The following HYAL4 variants were observed in gnomAD, a reference collection of about 807,000 sequenced individuals.
The protein encoded by HYAL4 is hyaluronidase 4, also known as hyaluronidase-4.
In HYAL4, 37 loss-of-function variants were observed where a neutral mutation model predicts 35.2. The observed-to-expected ratio is 1.05, with a 90% CI of 0.81 to 1.38. The LOEUF is 1.38. Ranked by LOEUF, HYAL4 falls within the 40% of genes most tolerant of loss-of-function variation. HYAL4 has a pLI of 0.00. For missense variants in HYAL4, 572 were observed against 572.4 expected (o/e 1.00, Z 0.01); for synonymous variants, 198 against 203.2 (o/e 0.97, Z 0.22).
At chr7:123,872,508 G>A (rs1005753410) in intron 3 of HYAL4, among the ~76,000 whole-genome samples, 7 of 152,226 alleles carry the variant, frequency 4.6e-5, no homozygotes, top group African/African-American at 1.7e-4. Flanking sequence ...GAAGTGTTGA[G>A]TGAATCCCCT....
intron 2 of HYAL4, among the ~76,000 whole-genome samples, chr7:123,855,519 A>C (rs977620925): frequency 6.6e-6 from 1 of 152,118 alleles, no homozygotes; most frequent in Non-Finnish European, 1.5e-5. Context: ...GAATGTTGAT[A>C]TTGGCCCCCA....
chr7:123,792,832 G>C, the HYAL4 span, among the ~76,000 whole-genome samples: 2 of 152,146 alleles, frequency 1.3e-5, no homozygotes, highest in African/African-American at 4.8e-5. Flanking sequence ...TTGATGCTCA[G>C]GGGGAAGGGA....
the HYAL4 span, among the ~76,000 whole-genome samples, chr7:123,818,629 T>A: frequency 2.0e-5 from 3 of 152,224 alleles, no homozygotes; most frequent in East Asian, 5.8e-4. Flanking sequence ...GAAATCTATT[T>A]CATTTTTATA....
the HYAL4 span, among the ~76,000 whole-genome samples, chr7:123,800,792 G>A: frequency 1.3e-5 from 2 of 151,958 alleles, no homozygotes. Flanking sequence ...GAGTAGCTGG[G>A]ATTACAGGCA....
At chr7:123,791,456 A>G in the HYAL4 span, among the ~76,000 whole-genome samples, 3 of 152,216 alleles carry the variant, frequency 2.0e-5, no homozygotes, top group African/African-American at 4.8e-5. Context: ...AAATAAAGCC[A>G]TCTCCAAATC....
At chr7:123,866,860 G>C (rs767659969) in intron 2 of HYAL4, among the ~76,000 whole-genome samples, 8 of 143,058 alleles carry the variant, frequency 5.6e-5, no homozygotes, top group Non-Finnish European at 7.5e-5. Context: ...GTGTGATCTT[G>C]GTTCACTGCA....
At chr7:123,869,840 C>T (rs145171359) in intron 3 of HYAL4, among the ~76,000 whole-genome samples, 7 of 146,114 alleles carry the variant, frequency 4.8e-5, no homozygotes, top group African/African-American at 1.5e-4. Context: ...GGTGCTCACC[C>T]CCCCCCACCC....
At chr7:123,874,173 A>T (rs1806950649) in intron 3 of HYAL4, among the ~76,000 whole-genome samples, 2 of 152,222 alleles carry the variant, frequency 1.3e-5, no homozygotes. Context: ...ATTTCTGATA[A>T]CTATTTACAG....
the HYAL4 span, among the ~76,000 whole-genome samples, chr7:123,779,514 A>G: frequency 6.6e-6 from 1 of 152,188 alleles, no homozygotes; most frequent in Non-Finnish European, 1.5e-5. Context: ...TTTGTTTTAA[A>G]ATAATATAAT....
chr7:123,773,713 G>A, the HYAL4 span, among the ~76,000 whole-genome samples: 1 of 152,156 alleles, frequency 6.6e-6, no homozygotes, highest in Non-Finnish European at 1.5e-5. Context: ...TTTACTGTTT[G>A]CTTAATTAAA....
chr7:123,774,729 T>C, the HYAL4 span, among the ~76,000 whole-genome samples: 1 of 152,222 alleles, frequency 6.6e-6, no homozygotes, highest in African/African-American at 2.4e-5. Flanking sequence ...AGATCTCACC[T>C]GCCTATTCAG....
the HYAL4 span, among the ~76,000 whole-genome samples, chr7:123,801,802 A>G: frequency 4.6e-5 from 7 of 152,124 alleles, 1 homozygote; most frequent in Non-Finnish European, 1.0e-4. Flanking sequence ...TTTATTGTCT[A>G]AATTGGGACA....
At chr7:123,869,467 A>G (rs903010945) in intron 3 of HYAL4, among the ~76,000 whole-genome samples, 1 of 152,206 alleles carries the variant, frequency 6.6e-6, no homozygotes, top group Non-Finnish European at 1.5e-5. Context: ...TAAAGTAGAT[A>G]CCAGCAACGA....
the HYAL4 span, among the ~76,000 whole-genome samples, chr7:123,812,579 A>C: frequency 6.6e-6 from 1 of 152,216 alleles, no homozygotes; most frequent in Non-Finnish European, 1.5e-5. Context: ...AATTTGTAAC[A>C]GTATTTTACT....
chr7:123,809,736 C>A, the HYAL4 span, among the ~76,000 whole-genome samples: 4 of 152,234 alleles, frequency 2.6e-5, no homozygotes, highest in South Asian at 8.3e-4. Flanking sequence ...ACATTCATAT[C>A]ATTGTAGCCA....
the HYAL4 span, among the ~76,000 whole-genome samples, chr7:123,765,948 T>C: frequency 6.6e-6 from 1 of 152,330 alleles, no homozygotes; most frequent in East Asian, 1.9e-4. Context: ...ATTATTGTTT[T>C]ACTCTTCCTT....
the HYAL4 span, among the ~76,000 whole-genome samples, chr7:123,769,207 C>G: frequency 6.6e-6 from 1 of 152,074 alleles, no homozygotes; most frequent in Non-Finnish European, 1.5e-5. Context: ...GTGTCAAGTA[C>G]ATGTTCAAGA....
intron 1 of HYAL4, among the ~76,000 whole-genome samples, chr7:123,838,541 T>C (rs1387245579): frequency 1.3e-5 from 2 of 151,814 alleles, no homozygotes; most frequent in African/African-American, 2.4e-5. Context: ...TTATAATAAA[T>C]GATGTCATAA....
chr7:123,835,188 A>C (rs1805945926), intron 1 of HYAL4, among the ~76,000 whole-genome samples: 1 of 152,078 alleles, frequency 6.6e-6, no homozygotes, highest in Non-Finnish European at 1.5e-5. Flanking sequence ...TGTAGAATTC[A>C]GCTGTGAATC....
Sources: gnomAD v4.1 joint callset for allele counts (sites outside exome capture counted in the v4.1 genomes callset) on GRCh38, gnomAD v4.1.1 for gene constraint, MANE v1.5 for transcripts, NCBI Gene and HGNC (gene_info 2026-07-23, HGNC 2026-07-21) for gene names.